Variants in DSCAM observed in about 807,000 individuals in gnomAD.
DSCAM encodes DS cell adhesion molecule, also known as cell adhesion molecule DSCAM.
A neutral mutation model predicts 217.7 loss-of-function variants in DSCAM; 47 were observed. The ratio of observed to expected loss-of-function variants is 0.22; its 90% confidence interval spans 0.17 to 0.28. The LOEUF is 0.28. DSCAM is among the 10% of genes least tolerant of loss of function. DSCAM has a pLI of 1.00. For synonymous variants in DSCAM, 1,056 were observed against 1,015.3 expected (o/e 1.04, Z -0.76); for missense variants, 2,080 against 2,618.3 (o/e 0.79, Z 4.49).
intron 14 of DSCAM, among the ~76,000 whole-genome samples, chr21:40,183,798 T>C (rs1268080591): frequency 6.6e-6 from 1 of 152,238 alleles, no homozygotes; most frequent in African/African-American, 2.4e-5. Context: ...TGTGAAGTAC[T>C]TTAATACATT....
intron 3 of DSCAM, among the ~76,000 whole-genome samples, chr21:40,606,337 C>T (rs1220317947): frequency 6.6e-6 from 1 of 152,072 alleles, no homozygotes; most frequent in Non-Finnish European, 1.5e-5. Flanking sequence ...GCTGGAGCTG[C>T]CAGGTGGGAA....
rs185295262 is a variant in DSCAM, at chr21:40,553,910, C to A, written c.508+138900G>T. ...GACAAAACTGAGGCCCAACAGGTTA[C>A]GTGACTTATCCTCCTCAGAGCAAAG... On this transcript the variant is annotated intron_variant, in intron 3 of 32. Transcript: ENST00000400454. 4.4e-4 allele frequency among the ~76,000 whole-genome samples: 67 copies of A among 152,256 alleles called. No individual in the cohort carries two copies. The East Asian group carries it at 0.013, about 29-fold the overall frequency.
intron 1 of DSCAM, among the ~76,000 whole-genome samples, chr21:40,741,591 G>C (rs997609800): frequency 6.6e-6 from 1 of 151,926 alleles, no homozygotes; most frequent in Non-Finnish European, 1.5e-5. Flanking sequence ...TGTTTAACAA[G>C]TCCACTGGGT....
chr21:40,433,746 G>A (rs2075558063), intron 3 of DSCAM, among the ~76,000 whole-genome samples: 2 of 152,132 alleles, frequency 1.3e-5, no homozygotes. Flanking sequence ...TGAAGTGGAT[G>A]ATGTCACCTG....
At chr21:40,444,166 C>T (rs567391401) in intron 3 of DSCAM, among the ~76,000 whole-genome samples, 91 of 152,148 alleles carry the variant, frequency 6.0e-4, no homozygotes, top group Admixed American at 2.0e-4. Flanking sequence ...ATAACTAAAA[C>T]TGGAGACTCA....
At chr21:40,026,667 C>T (rs2146435972) in intron 32 of DSCAM, among the ~76,000 whole-genome samples, 1 of 148,884 alleles carries the variant, frequency 6.7e-6, no homozygotes, top group East Asian at 2.0e-4. Flanking sequence ...GGCTTAAAGT[C>T]TGTTTTATCC....
chr21:40,341,695 G>A (rs533394784), intron 6 of DSCAM, among the ~76,000 whole-genome samples: 114 of 152,230 alleles, frequency 7.5e-4, no homozygotes, highest in African/African-American at 2.6e-3. Flanking sequence ...GAGTATGCAC[G>A]CTTTATATGT....
intron 3 of DSCAM, among the ~76,000 whole-genome samples, chr21:40,661,447 G>A (rs8128891): frequency 0.045 from 6,817 of 152,026 alleles, 232 homozygotes; most frequent in Non-Finnish European, 0.07. Flanking sequence ...ACAATTATTC[G>A]ACAACAAAAA....
chr21:40,560,704 C>CA (rs1363557447), intron 3 of DSCAM, among the ~76,000 whole-genome samples: 1 of 152,112 alleles, frequency 6.6e-6, no homozygotes, highest in African/African-American at 2.4e-5. Flanking sequence ...AAATCACATC[C>CA]AAAAAAAGCT....
intron 11 of DSCAM, among the ~76,000 whole-genome samples, chr21:40,261,448 A>G (rs1308959869): frequency 2.6e-5 from 4 of 152,160 alleles, no homozygotes; most frequent in Non-Finnish European, 4.4e-5. Context: ...AAGATTGAGT[A>G]TGAAGAAACT....
intron 28 of DSCAM, among the ~76,000 whole-genome samples, chr21:40,057,234 CTT>C (rs1164878949): frequency 6.6e-6 from 1 of 152,194 alleles, no homozygotes; most frequent in Non-Finnish European, 1.5e-5. Flanking sequence ...TTTGTCCTGA[CTT>C]TTCACATGGT....
chr21:40,521,283 G>C (rs1351366981), intron 3 of DSCAM, among the ~76,000 whole-genome samples: 1 of 152,212 alleles, frequency 6.6e-6, no homozygotes, highest in Non-Finnish European at 1.5e-5. Flanking sequence ...AGGAGTGAAA[G>C]TACTGGATCA....
chr21:40,637,586 C>CATATATAAATATATATATAAATATATAT (rs1378740634), intron 3 of DSCAM, among the ~76,000 whole-genome samples: 1 of 45,736 alleles, frequency 2.2e-5, no homozygotes, highest in African/African-American at 9.5e-5. Context: ...TAAATATATA[C>CATATATAAATATATATATAAATATATAT]ATATATAAAT....
intron 11 of DSCAM, among the ~76,000 whole-genome samples, chr21:40,244,797 A>G (rs2073200835): frequency 6.6e-6 from 1 of 152,200 alleles, no homozygotes; most frequent in Non-Finnish European, 1.5e-5. Context: ...ATTTTCCTCC[A>G]GAAGCCAGGG....
intron 11 of DSCAM, among the ~76,000 whole-genome samples, chr21:40,234,500 TGAGTC>T (rs2091408874): frequency 6.6e-6 from 1 of 152,246 alleles, no homozygotes; most frequent in South Asian, 2.1e-4. Context: ...TTGGTAATGT[TGAGTC>T]AAGATGTGGC....
At chr21:40,493,167 A>G (rs574020212) in intron 3 of DSCAM, among the ~76,000 whole-genome samples, 3 of 152,332 alleles carry the variant, frequency 2.0e-5, no homozygotes, top group African/African-American at 4.8e-5. Context: ...CAAAATCTCT[A>G]TACTTTTACT....
chr21:40,808,002 T>A (rs947305779), intron 1 of DSCAM, among the ~76,000 whole-genome samples: 11 of 152,152 alleles, frequency 7.2e-5, no homozygotes, highest in African/African-American at 2.4e-4. Flanking sequence ...CATCTCCTCA[T>A]CTGCTGAGTG....
chr21:40,293,572 T>C (rs942399884), intron 10 of DSCAM, among the ~76,000 whole-genome samples: 12 of 152,282 alleles, frequency 7.9e-5, no homozygotes, highest in African/African-American at 2.9e-4. Flanking sequence ...TAATTATTGA[T>C]GTACTACAAT....
intron 14 of DSCAM, among the ~76,000 whole-genome samples, chr21:40,183,288 C>G (rs1029399042): frequency 2.0e-5 from 3 of 152,144 alleles, no homozygotes; most frequent in South Asian, 2.1e-4. Flanking sequence ...TAAAGGTGGC[C>G]TTGGGTCCTT....
Sources: gnomAD v4.1 joint callset for allele counts (sites outside exome capture counted in the v4.1 genomes callset) on GRCh38, gnomAD v4.1.1 for gene constraint, MANE v1.5 for transcripts, NCBI Gene and HGNC (gene_info 2026-07-23, HGNC 2026-07-21) for gene names.